Variants in GHR observed in about 807,000 individuals in gnomAD.
GHR encodes the protein GH receptor.
GHR carries 35 observed loss-of-function variants against 67.1 expected under a neutral mutation model. The observed-to-expected ratio is 0.52, with a 90% CI of 0.40 to 0.69. GHR has a LOEUF of 0.69. GHR is among the 30% of genes least tolerant of loss of function. The pLI is 0.00. For synonymous variants in GHR, 272 were observed against 269.1 expected, an observed-to-expected ratio of 1.01 and a Z score of -0.10; for missense variants, 792 against 764.6, an observed-to-expected ratio of 1.04 and a Z score of -0.42.
intron 1 of GHR, among the ~76,000 whole-genome samples, chr5:42,462,675 T>C (rs1744536080): frequency 6.6e-6 from 1 of 151,556 alleles, no homozygotes; most frequent in Non-Finnish European, 1.5e-5. Context: ...TTTTAGATAT[T>C]TGAAAACAAA....
chr5:42,662,658 G>C (rs1176062997), intron 3 of GHR, among the ~76,000 whole-genome samples: 1 of 152,140 alleles, frequency 6.6e-6, no homozygotes, highest in African/African-American at 2.4e-5. Flanking sequence ...AAGCAGGAAA[G>C]ATCCAAAATT....
At chr5:42,655,140 T>C (rs114794781) in intron 3 of GHR, among the ~76,000 whole-genome samples, 1,717 of 152,292 alleles carry the variant, frequency 0.011, 20 homozygotes, top group Non-Finnish European at 0.018. Flanking sequence ...CATCCAAAAA[T>C]ATTTCATTAT....
chr5:42,579,311 A>G (rs1751035521), intron 2 of GHR, among the ~76,000 whole-genome samples: 1 of 152,350 alleles, frequency 6.6e-6, no homozygotes, highest in East Asian at 1.9e-4. Flanking sequence ...AGGGTATTCT[A>G]CATTAAATAC....
Position 42,719,539 on chromosome 5 carries a change from A to G in GHR, c.*115A>G, listed in dbSNP as rs1261682901. 3 of 978,098 alleles carry G rather than the reference A, an allele frequency of 3.1e-6. No homozygotes were observed. Among genetic ancestry groups the G allele is most frequent in the African/African-American group, 1.6e-5 (1 of 62,870 alleles). 60.6% of individuals were successfully genotyped at this position (978,098 alleles called of 1,614,324 possible). ...TTTTGGGGGAGTGACAGGATGGGGT[A>G]TGGATTCTAAAATGCCTTTTCCCAA... On this transcript the variant is annotated 3_prime_UTR_variant, in exon 10 of 10. Coordinates refer to ENST00000230882, the MANE Select transcript of GHR (RefSeq NM_000163.5).
At chr5:42,514,037 TAAAAC>T (rs1394540269) in intron 1 of GHR, 3 of 867,250 alleles carry the variant, frequency 3.5e-6, no homozygotes, top group Non-Finnish European at 4.2e-6. Flanking sequence ...AAAAGAAAAA[TAAAAC>T]AAAGCTTGCT....
chr5:42,537,607 C>A (rs558938264), intron 1 of GHR, among the ~76,000 whole-genome samples: 16 of 152,132 alleles, frequency 1.1e-4, no homozygotes, highest in African/African-American at 3.6e-4. Context: ...AAGTTCCATG[C>A]ACTGTTGAAT....
chr5:42,440,387 TG>T (rs1743511928), intron 1 of GHR, among the ~76,000 whole-genome samples: 1 of 152,016 alleles, frequency 6.6e-6, no homozygotes, highest in Admixed American at 6.5e-5. Flanking sequence ...AAGAGCATAA[TG>T]GGTAGAGAAA....
At chr5:42,638,671 G>T (rs1222347176) in intron 3 of GHR, among the ~76,000 whole-genome samples, 1 of 152,146 alleles carries the variant, frequency 6.6e-6, no homozygotes, top group East Asian at 1.9e-4. Flanking sequence ...TATGCAGTCT[G>T]TCGTTGACCA....
rs550316686 is a variant in GHR, at chr5:42,717,040, T to G, written c.876-1012T>G. 2.6e-5 allele frequency among the ~76,000 whole-genome samples: 4 copies of G among 152,334 alleles called. No individual in the cohort carries two copies. The South Asian group carries it at 8.3e-4, about 32-fold the overall frequency. ...TAAACTCCAGGCCAGATACAATGGC[T>G]TATAGCATATAAATCCAGCACTTTG... On this transcript the variant is annotated intron_variant, in intron 8 of 9. Coordinates refer to ENST00000230882, the MANE Select transcript of GHR (RefSeq NM_000163.5).
rs1362754836 is a variant in GHR at position 42,565,864 on chromosome 5, G to A, written c.-11G>A. On this transcript the variant is annotated splice_region_variant and 5_prime_UTR_variant, in exon 2 of 10. Coordinates refer to ENST00000230882, the MANE Select transcript of GHR (RefSeq NM_000163.5). The stretch of plus-strand genomic sequence containing the variant: ...TACCTTACCCTTTTTGTGATTGCAG[G>A]TCCTACAGGTATGGATCTCTGGCAG... The A allele has an allele frequency of 6.2e-7, 1 of 1,613,846 alleles. No individual in the cohort carries two copies. Among genetic ancestry groups the A allele is most frequent in the Admixed American group, 1.7e-5 (1 of 60,010 alleles).
intron 3 of GHR, among the ~76,000 whole-genome samples, chr5:42,673,539 T>C (rs1756423394): frequency 6.6e-6 from 1 of 151,872 alleles, no homozygotes; most frequent in Non-Finnish European, 1.5e-5. Context: ...CCAACAAAGG[T>C]GGATTGGATT....
intron 1 of GHR, among the ~76,000 whole-genome samples, chr5:42,449,601 C>T (rs1218147081): frequency 6.6e-6 from 1 of 152,128 alleles, no homozygotes; most frequent in Non-Finnish European, 1.5e-5. Context: ...GTTGGACTTC[C>T]TCTTTTCTGA....
At chr5:42,643,947 G>T (rs1206158791) in intron 3 of GHR, among the ~76,000 whole-genome samples, 1 of 151,994 alleles carries the variant, frequency 6.6e-6, no homozygotes, top group Admixed American at 6.6e-5. Flanking sequence ...TTGAATTTTT[G>T]CATGAATTGC....
At chr5:42,582,660 T>C (rs1751239969) in intron 2 of GHR, among the ~76,000 whole-genome samples, 1 of 152,120 alleles carries the variant, frequency 6.6e-6, no homozygotes, top group African/African-American at 2.4e-5. Context: ...ACATTGTAGG[T>C]GACAAGAACA....
intron 2 of GHR, among the ~76,000 whole-genome samples, chr5:42,568,662 G>A (rs961906532): frequency 6.6e-6 from 1 of 152,156 alleles, no homozygotes; most frequent in Admixed American, 6.5e-5. Flanking sequence ...GTAACCTAAG[G>A]TGGAAGTAAG....
rs56890070 is a variant in GHR at position 42,547,917 on chromosome 5, C to A, written c.-11-17947C>A. On this transcript the variant is annotated intron_variant, in intron 1 of 9. Coordinates refer to ENST00000230882, the MANE Select transcript of GHR (RefSeq NM_000163.5). ...TACTTTAATGAGGTAGCAGTGAGTA[C>A]CACAAATGGTCACTTCTGCCTTTGT... 6.1e-3 allele frequency: 1,065 copies of A among 173,730 alleles called. 9 individuals carry two copies. Among genetic ancestry groups the A allele is most frequent in the African/African-American group, 0.024 (1,010 of 41,906 alleles). The allele number at this position is 173,730 out of a possible 1,614,324, so 10.8% of individuals were successfully genotyped here.
chr5:42,669,881 T>C (rs1042649297), intron 3 of GHR, among the ~76,000 whole-genome samples: 2 of 152,094 alleles, frequency 1.3e-5, no homozygotes, highest in Admixed American at 1.3e-4. Context: ...TTGAAGATGG[T>C]AAAAATAAAT....
At chr5:42,439,001 T>A (rs1241849520) in intron 1 of GHR, among the ~76,000 whole-genome samples, 5 of 152,172 alleles carry the variant, frequency 3.3e-5, no homozygotes, top group African/African-American at 4.8e-5. Flanking sequence ...AAAAAGAAAT[T>A]GTTTTAATTT....
intron 3 of GHR, among the ~76,000 whole-genome samples, chr5:42,677,246 T>A (rs73751230): frequency 0.026 from 3,924 of 152,110 alleles, 177 homozygotes; most frequent in African/African-American, 0.089. Context: ...TGCCAATATA[T>A]CAATAAAGCT....
Sources: gnomAD v4.1 joint callset for allele counts (sites outside exome capture counted in the v4.1 genomes callset) on GRCh38, gnomAD v4.1.1 for gene constraint, MANE v1.5 for transcripts, NCBI Gene and HGNC (gene_info 2026-07-23, HGNC 2026-07-21) for gene names.